The following SEC23A variants were observed in gnomAD, a reference collection of about 807,000 sequenced individuals.
The protein encoded by SEC23A is protein transport protein Sec23A.
In SEC23A, 56 loss-of-function variants were observed where a neutral mutation model predicts 103.7. The observed-to-expected ratio is 0.54, with a 90% confidence interval of 0.44 to 0.67. The LOEUF (loss-of-function observed/expected upper bound fraction) is 0.67. SEC23A is among the 30% of genes least tolerant of loss of function. The probability of loss-of-function intolerance (pLI) is 0.00; values close to 1 mark genes in which losing one functional copy is unlikely to be tolerated. For synonymous variants in SEC23A, 281 were observed against 293.0 expected, an observed-to-expected ratio of 0.96 and a Z score of 0.42; for missense variants, 784 against 936.4, an observed-to-expected ratio of 0.84 and a Z score of 2.12.
intron 9 of SEC23A, among the ~76,000 whole-genome samples, chr14:39,073,411 G>T (rs1886901445): frequency 6.6e-6 from 1 of 151,892 alleles, no homozygotes; most frequent in South Asian, 2.1e-4. Context: ...TCCTGCCTCA[G>T]CCTCCTGAGT....
chr14:39,064,302 A>G (rs927840026), intron 11 of SEC23A, among the ~76,000 whole-genome samples: 8 of 152,212 alleles, frequency 5.3e-5, no homozygotes, highest in African/African-American at 1.9e-4. Context: ...CCACAGCTAC[A>G]TGATTCTACC....
rs1006281506 is a variant in SEC23A, at chr14:39,099,151, T to C, written c.-21-3012A>G. Among the ~76,000 whole-genome samples, 5 of 140,224 alleles carry C rather than the reference T, an allele frequency of 3.6e-5. No homozygotes were observed. In the East Asian group the frequency reaches 1.1e-3, roughly 32 times the overall value. 92.0% of individuals were successfully genotyped at this position (140,224 alleles called of 152,430 possible). On this transcript the variant is annotated intron_variant, in intron 1 of 19. Transcript: ENST00000307712. ...TTTCAAGCAAACATTAAATTGTTTT[T>C]GGGTTTTTTTTTTTTTTTTTTTTTT...
At chr14:39,059,391 A>G (rs904378162) in intron 13 of SEC23A, among the ~76,000 whole-genome samples, 1 of 151,910 alleles carries the variant, frequency 6.6e-6, no homozygotes, top group African/African-American at 2.4e-5. Flanking sequence ...ACACAATGCT[A>G]TAAATGGCAC....
intron 9 of SEC23A, 114 bp downstream of exon 9, chr14:39,074,301 G>C: frequency 1.3e-6 from 1 of 751,726 alleles, no homozygotes; most frequent in East Asian, 2.5e-5. Context: ...CAGATGTGTT[G>C]CCTTGAAGTA....
intron 8 of SEC23A, 123 bp from the exon 9 acceptor site, chr14:39,074,653 A>T (rs1398855301): frequency 7.7e-6 from 5 of 648,942 alleles, no homozygotes; most frequent in Non-Finnish European, 1.4e-5. Context: ...ATGATTAGTT[A>T]TTTAACTTTC....
At chr14:39,047,346 A>G (rs1186853425) in intron 15 of SEC23A, 11 of 1,268,750 alleles carry the variant, frequency 8.7e-6, no homozygotes, top group African/African-American at 6.1e-5. Flanking sequence ...CAAAAATGAC[A>G]AAACAAAGAA....
intron 9 of SEC23A, among the ~76,000 whole-genome samples, chr14:39,071,943 T>C (rs9743466): frequency 0.27 from 41,549 of 151,922 alleles, 6,685 homozygotes; most frequent in Non-Finnish European, 0.35. Context: ...CCATCAAGAA[T>C]GTGAGGGAGG....
intron 5 of SEC23A, chr14:39,087,693 G>A (rs1437939699): frequency 1.3e-5 from 2 of 152,288 alleles, no homozygotes; most frequent in African/African-American, 2.4e-5. Context: ...AAGTACTGGA[G>A]TTATAAAACT....
chr14:39,100,298 T>G (rs1261022247), intron 1 of SEC23A, among the ~76,000 whole-genome samples: 1 of 152,130 alleles, frequency 6.6e-6, no homozygotes, highest in African/African-American at 2.4e-5. Context: ...CCCTCACCTT[T>G]CCATAGTAGG....
chr14:39,070,716 A>T (rs1017881445), intron 9 of SEC23A, among the ~76,000 whole-genome samples: 1 of 152,052 alleles, frequency 6.6e-6, no homozygotes, highest in Non-Finnish European at 1.5e-5. Flanking sequence ...TCCACAGCTA[A>T]TATCTTCTAA....
At chr14:39,092,505 T>C in intron 4 of SEC23A, 36 bp downstream of exon 4, 1 of 1,233,492 alleles carries the variant, frequency 8.1e-7, no homozygotes, top group Non-Finnish European at 1.2e-6. Context: ...GTATAAATTT[T>C]AAAACTTTCT....
intron 9 of SEC23A, among the ~76,000 whole-genome samples, chr14:39,072,231 C>CAA (rs1213542147): frequency 8.3e-6 from 1 of 121,106 alleles, no homozygotes. Flanking sequence ...GACTCTGTCT[C>CAA]AAAAAAAAAA....
chr14:39,095,425 T>C (rs1441550951), intron 2 of SEC23A, among the ~76,000 whole-genome samples: 1 of 151,866 alleles, frequency 6.6e-6, no homozygotes, highest in African/African-American at 2.4e-5. Flanking sequence ...GCCTCCCGAG[T>C]AGCTGGGACT....
At chr14:39,060,104 T>TGTGTGTGTGTGCACACACAC (rs1566492175) in intron 13 of SEC23A, among the ~76,000 whole-genome samples, 9 of 107,502 alleles carry the variant, frequency 8.4e-5, no homozygotes, top group African/African-American at 4.2e-4. Flanking sequence ...TGCACACACA[T>TGTGTGTGTGTGCACACACAC]GTGTGTGTGT....
chr14:39,032,749 G>A lies in SEC23A; in HGVS notation c.*490C>T, dbSNP rs948857786. On this transcript the variant is annotated 3_prime_UTR_variant, in exon 20 of 20. Transcript: ENST00000307712. The stretch of plus-strand genomic sequence containing the variant: ...ATAAAAATAAATCTGCCTTAACCTA[G>A]TAAGTACAGAAAAAGTGTATACATA... 2.0e-5 allele frequency: 3 copies of A among 153,612 alleles called. No individual in the cohort carries two copies. The highest frequency in any genetic ancestry group is 7.2e-5 in the African/African-American group (3 of 41,408). 9.5% of individuals were successfully genotyped at this position (153,612 alleles called of 1,614,324 possible).
At chr14:39,085,379 A>G (rs1887397664) in intron 7 of SEC23A, among the ~76,000 whole-genome samples, 1 of 152,192 alleles carries the variant, frequency 6.6e-6, no homozygotes, top group South Asian at 2.1e-4. Context: ...CTAGCAAATT[A>G]ATCAAACCCA....
chr14:39,099,613 T>C (rs920645054), intron 1 of SEC23A, among the ~76,000 whole-genome samples: 3 of 152,174 alleles, frequency 2.0e-5, no homozygotes, highest in African/African-American at 7.2e-5. Context: ...CATTACTCAG[T>C]GAAGCAATAT....
chr14:39,040,461 A>G, intron 18 of SEC23A: 1 of 475,776 alleles, frequency 2.1e-6, no homozygotes, highest in East Asian at 3.6e-5. Flanking sequence ...CAAAGCTAGT[A>G]TACCACCACA....
chr14:39,061,192 A>T (rs561896079), intron 13 of SEC23A, among the ~76,000 whole-genome samples: 1 of 152,254 alleles, frequency 6.6e-6, no homozygotes, highest in East Asian at 1.9e-4. Flanking sequence ...AGGATTAGGA[A>T]AAAAAACACA....
Sources: allele counts gnomAD v4.1 joint callset (sites outside exome capture counted in the v4.1 genomes callset), GRCh38; gene constraint gnomAD v4.1.1; transcripts MANE v1.5; gene names NCBI Gene and HGNC (gene_info 2026-07-23, HGNC 2026-07-21).